Variants in HMCN1 observed in about 807,000 individuals in gnomAD.
HMCN1 encodes the protein hemicentin 1, also known as hemicentin-1.
A neutral mutation model predicts 625.9 loss-of-function variants in HMCN1; 321 were observed. The ratio of observed to expected loss-of-function variants is 0.51; its 90% CI spans 0.47 to 0.56. HMCN1 has a LOEUF of 0.56. HMCN1 is among the 20% of genes least tolerant of loss of function. HMCN1 has a pLI of 0.00. For missense variants in HMCN1, 6,588 were observed against 6,887.3 expected (o/e 0.96, Z 1.54); for synonymous variants, 2,425 against 2,417.6 (o/e 1.00, Z -0.09).
chr1:186,160,895 C>G (rs868781635), intron 97 of HMCN1, among the ~76,000 whole-genome samples: 1 of 151,228 alleles, frequency 6.6e-6, no homozygotes, highest in Non-Finnish European at 1.5e-5. Context: ...AATGTATATT[C>G]TGTTGATTTG....
At chr1:186,185,566 A>C (rs1558290833) in intron 105 of HMCN1, among the ~76,000 whole-genome samples, 1 of 152,256 alleles carries the variant, frequency 6.6e-6, no homozygotes, top group Non-Finnish European at 1.5e-5. Context: ...CATTGTCAGC[A>C]CATATAACTA....
At position 186,065,424 on chromosome 1, in the gene HMCN1, T is replaced by G. The variant is rs373297829; in HGVS notation, c.7700T>G (p.Val2567Gly). The G allele has an allele frequency of 5.0e-6, 8 of 1,597,442 alleles. No homozygotes were observed. The African/African-American group carries it at 9.4e-5, about 19-fold the overall frequency. The change falls in exon 49 of 107, where the codon GTA becomes GGA. Residue 2567 changes from valine to glycine, a missense_variant. Physicochemically the swap from Val to Gly is moderately radical, Grantham distance 109. Around this residue, in one of 3 missense-constraint regions of HMCN1, gnomAD observed 4,628 missense variants for 4,853.1 expected, o/e 0.95. Transcript: ENST00000271588. ...AAGAGCAGGAGCTTCAGTCTTAATGTATTTGGTAGGTGTGGGCTTTTCTTC... is the reference window on the plus strand; with the variant it reads ...AAGAGCAGGAGCTTCAGTCTTAATGGATTTGGTAGGTGTGGGCTTTTCTTC... ...GHKSRSFSLN[V>G]FVSPTIAGVG...
chr1:185,916,811 T>C (rs58437418), intron 6 of HMCN1, among the ~76,000 whole-genome samples: 14,010 of 152,182 alleles, frequency 0.092, 2,151 homozygotes, highest in African/African-American at 0.32. Context: ...TGGGGTCTGG[T>C]AGAGTATTCT....
Position 186,115,292 on chromosome 1 carries a change from G to T in HMCN1, c.11439G>T (p.Met3813Ile). 1 of 1,614,024 alleles carries T rather than the reference G, an allele frequency of 6.2e-7. No individual in the cohort carries two copies. The highest frequency in any genetic ancestry group is 1.1e-5 in the South Asian group (1 of 91,078). ...PPSIAPGPTN[M>I]TVIVNVQTTL... Reference sequence around the variant, plus strand: ...CTATTGCTCCGGGTCCTACCAACATGACTGTAATAGTAAATGTTCAAACTA... The same window carrying T: ...CTATTGCTCCGGGTCCTACCAACATTACTGTAATAGTAAATGTTCAAACTA... Residue 3813 changes from methionine to isoleucine, a missense_variant, in exon 75 of 107, where the codon ATG (methionine) becomes ATT (isoleucine). Coordinates refer to ENST00000271588, the MANE Select transcript of HMCN1 (RefSeq NM_031935.3).
Position 186,112,883 on chromosome 1 carries a change from A to G in HMCN1, c.11061A>G (p.Thr3687=), listed in dbSNP as rs766496086. 2.4e-5 allele frequency: 38 copies of G among 1,614,190 alleles called. No homozygotes were observed. The highest frequency in any genetic ancestry group is 3.2e-5 in the Non-Finnish European group (38 of 1,179,992). Residue 3687 remains threonine, a synonymous_variant, in exon 72 of 107, where the codon ACA becomes ACG. Transcript: ENST00000271588. ...TCAACAATGCTGACCTAGGTGATAC[A>G]GCCAATTATACCTGTGTTGCCAGCA... ...LQINNADLGD[T]ANYTCVASNI... is the part of the protein sequence containing the mutation.
At chr1:185,774,379 G>A (rs961167854) in intron 1 of HMCN1, among the ~76,000 whole-genome samples, 3 of 152,120 alleles carry the variant, frequency 2.0e-5, no homozygotes, top group African/African-American at 7.2e-5. Context: ...TACTACAGGA[G>A]GAAAGATGGG....
intron 11 of HMCN1, among the ~76,000 whole-genome samples, chr1:185,947,287 C>T (rs12094899): frequency 0.041 from 6,304 of 152,098 alleles, 307 homozygotes; most frequent in African/African-American, 0.11. Context: ...CTGCTAACTA[C>T]GTTTCACAAT....
intron 12 of HMCN1, among the ~76,000 whole-genome samples, chr1:185,962,885 C>G (rs948082894): frequency 2.6e-5 from 4 of 152,072 alleles, no homozygotes; most frequent in African/African-American, 9.7e-5. Context: ...CCAAGTGCTT[C>G]CCAGTACTTT....
intron 11 of HMCN1, among the ~76,000 whole-genome samples, chr1:185,950,771 A>G (rs1348268255): frequency 1.0e-3 from 142 of 141,148 alleles, no homozygotes; most frequent in African/African-American, 1.9e-3. Flanking sequence ...TAGTAAAGAA[A>G]GCATGTTTGA....
intron 51 of HMCN1, 28 bp downstream of exon 51, chr1:186,069,804 A>G: frequency 4.1e-6 from 6 of 1,457,614 alleles, no homozygotes; most frequent in Non-Finnish European, 4.8e-6. Flanking sequence ...ACTATGTTTC[A>G]TAGCTTCCCC....
At chr1:185,870,394 C>T (rs186829652) in intron 4 of HMCN1, among the ~76,000 whole-genome samples, 2 of 152,212 alleles carry the variant, frequency 1.3e-5, no homozygotes, top group Admixed American at 1.3e-4. Context: ...CAAAAGATCA[C>T]TGTTATTTAG....
chr1:186,144,512 T>C (rs1344445989), intron 90 of HMCN1, 21 bp from the exon 91 acceptor site: 2 of 1,614,094 alleles, frequency 1.2e-6, no homozygotes, highest in East Asian at 2.2e-5. Flanking sequence ...AGAAAGCATG[T>C]ACCTTTTTCC....
intron 4 of HMCN1, among the ~76,000 whole-genome samples, chr1:185,891,393 T>C (rs1160720680): frequency 1.4e-5 from 2 of 148,144 alleles, no homozygotes; most frequent in Non-Finnish European, 2.9e-5. Flanking sequence ...GTTGATGCAG[T>C]TTCTTGCTAG....
intron 17 of HMCN1, among the ~76,000 whole-genome samples, chr1:185,981,632 G>T (rs1159137359): frequency 1.3e-5 from 2 of 151,976 alleles, no homozygotes; most frequent in African/African-American, 2.4e-5. Context: ...ATATCTGTCA[G>T]TACATGTTTC....
intron 14 of HMCN1, among the ~76,000 whole-genome samples, chr1:185,966,581 CTTCTGT>C (rs1175153008): frequency 6.6e-6 from 1 of 152,126 alleles, no homozygotes; most frequent in Non-Finnish European, 1.5e-5. Context: ...CCTGCTTCTG[CTTCTGT>C]TTCAGTTCTT....
intron 102 of HMCN1, 83 bp from the exon 103 acceptor site, chr1:186,174,431 A>G (rs1652432180): frequency 1.3e-6 from 2 of 1,532,374 alleles, no homozygotes; most frequent in African/African-American, 1.4e-5. Flanking sequence ...ACCTTTGGCA[A>G]TTCTACAGAA....
chr1:186,092,849 A>G (rs1316424279), intron 64 of HMCN1, among the ~76,000 whole-genome samples: 3 of 152,120 alleles, frequency 2.0e-5, no homozygotes, highest in East Asian at 1.9e-4. Flanking sequence ...ATTTTGTATA[A>G]CATGCATTTA....
intron 35 of HMCN1, among the ~76,000 whole-genome samples, chr1:186,021,401 A>G (rs143808792): frequency 6.0e-4 from 91 of 152,178 alleles, no homozygotes; most frequent in South Asian, 1.7e-3. Flanking sequence ...ATCATTGAGT[A>G]TATGGTCTTG....
chr1:186,122,346 C>T (rs1023499645), intron 80 of HMCN1, among the ~76,000 whole-genome samples: 1 of 152,024 alleles, frequency 6.6e-6, no homozygotes, highest in Admixed American at 6.6e-5. Context: ...CAGGCTAATA[C>T]CTAAGTGGTG....
Sources: allele counts gnomAD v4.1 joint callset (sites outside exome capture counted in the v4.1 genomes callset), GRCh38; gene constraint gnomAD v4.1.1; regional missense constraint gnomAD v4.1.1; transcripts MANE v1.5; gene names NCBI Gene and HGNC (gene_info 2026-07-23, HGNC 2026-07-21).